SYN2: variants seen among roughly 807,000 people sequenced by gnomAD.
SYN2 encodes the protein synapsin II, also known as synapsin-2.
A neutral mutation model predicts 50.9 loss-of-function variants in SYN2; 19 were observed. That is an observed-to-expected ratio of 0.37 (90% CI 0.26 to 0.55). The LOEUF is 0.55. SYN2 is among the 20% of genes least tolerant of loss of function. The pLI is 0.81. For missense variants in SYN2, 587 were observed against 576.4 expected (o/e 1.02, Z -0.19); for synonymous variants, 255 against 224.9 (o/e 1.13, Z -1.20).
intron 1 of SYN2, among the ~76,000 whole-genome samples, chr3:12,037,514 C>G (rs769954959): frequency 6.6e-6 from 1 of 152,186 alleles, no homozygotes; most frequent in Non-Finnish European, 1.5e-5. Context: ...GGCCTCCTTG[C>G]TACATCATAA....
At chr3:12,147,277 G>A (rs1234404402) in intron 4 of SYN2, among the ~76,000 whole-genome samples, 1 of 151,970 alleles carries the variant, frequency 6.6e-6, no homozygotes, top group Non-Finnish European at 1.5e-5. Context: ...TTTTCACCCT[G>A]GAACTAACAG....
chr3:12,068,219 A>G (rs962303587), intron 1 of SYN2, among the ~76,000 whole-genome samples: 2 of 15,636 alleles, frequency 1.3e-4, no homozygotes, highest in African/African-American at 8.2e-4. Context: ...GTCTGAAAAT[A>G]TCTTTATACT....
At chr3:12,133,399 A>G (rs182644130) in intron 1 of SYN2, among the ~76,000 whole-genome samples, 2 of 152,360 alleles carry the variant, frequency 1.3e-5, no homozygotes, top group African/African-American at 4.8e-5. Flanking sequence ...AACCCCTTCA[A>G]TGTAAAGCCT....
chr3:12,067,841 A>G (rs1211904915), intron 1 of SYN2, among the ~76,000 whole-genome samples: 1 of 152,180 alleles, frequency 6.6e-6, no homozygotes, highest in Non-Finnish European at 1.5e-5. Flanking sequence ...TGATAGGACA[A>G]CTTGAGCCTA....
In SYN2 at chr3:12,190,925, G is replaced by A; in HGVS notation, c.*300G>A. 1 of 1,123,692 alleles carries A rather than the reference G, an allele frequency of 8.9e-7. No homozygotes were observed. The highest frequency in any genetic ancestry group is 1.1e-6 in the Non-Finnish European group (1 of 918,478). The allele number at this position is 1,123,692 out of a possible 1,614,324, so 69.6% of individuals were successfully genotyped here. ...TGAGTTTAGTGGCCTTATTGTGACA[G>A]TGCCATCATGTCTTATTCTTCCCTG... On this transcript the variant is annotated 3_prime_UTR_variant, in exon 13 of 13. Transcript: ENST00000621198.
At chr3:12,151,762 C>G (rs779082376) in intron 5 of SYN2, among the ~76,000 whole-genome samples, 1 of 152,150 alleles carries the variant, frequency 6.6e-6, no homozygotes, top group South Asian at 2.1e-4. Context: ...TAAGTAATAG[C>G]TTCTGGGAAA....
At chr3:12,137,040 G>A (rs1372670967) in intron 1 of SYN2, among the ~76,000 whole-genome samples, 1 of 151,994 alleles carries the variant, frequency 6.6e-6, no homozygotes, top group African/African-American at 2.4e-5. Flanking sequence ...GAGCCCAGGG[G>A]TTCAAGAACA....
Position 12,021,715 on chromosome 3 carries a change from G to T in SYN2, c.377+16787G>T, listed in dbSNP as rs560766070. 5.3e-5 allele frequency among the ~76,000 whole-genome samples: 8 copies of T among 152,256 alleles called. No individual in the cohort carries two copies. The South Asian group carries it at 1.2e-3, about 24-fold the overall frequency. On this transcript the variant is annotated intron_variant, in intron 1 of 12. Transcript: ENST00000621198. Reference sequence around the variant, plus strand: ...GGAATGGGTAGCAGCAGCTAGAATGGCTTCTTGGGTGTTCGTTCCAACTTG... The same window carrying T: ...GGAATGGGTAGCAGCAGCTAGAATGTCTTCTTGGGTGTTCGTTCCAACTTG...
intron 1 of SYN2, among the ~76,000 whole-genome samples, chr3:12,127,516 A>G: frequency 6.6e-6 from 1 of 152,202 alleles, no homozygotes. Flanking sequence ...TGCATCTGGG[A>G]ACCTGTGGCA....
chr3:12,069,129 C>T (rs556287441), intron 1 of SYN2, among the ~76,000 whole-genome samples: 8 of 152,266 alleles, frequency 5.3e-5, no homozygotes, highest in Admixed American at 2.6e-4. Context: ...ACTGACATTC[C>T]GTCATGTCTG....
chr3:12,169,150 C>T (rs1172160179), intron 9 of SYN2, among the ~76,000 whole-genome samples: 1 of 152,152 alleles, frequency 6.6e-6, no homozygotes, highest in Non-Finnish European at 1.5e-5. Flanking sequence ...CTAGGTGGGC[C>T]TCTGTTTTCT....
At chr3:12,097,954 T>C (rs1331264209) in intron 1 of SYN2, among the ~76,000 whole-genome samples, 3 of 152,032 alleles carry the variant, frequency 2.0e-5, no homozygotes, top group African/African-American at 7.3e-5. Context: ...TGTATACATA[T>C]GTAACAAACC....
chr3:12,097,882 A>G (rs1157943143), intron 1 of SYN2, among the ~76,000 whole-genome samples: 2 of 152,200 alleles, frequency 1.3e-5, no homozygotes, highest in Non-Finnish European at 2.9e-5. Flanking sequence ...GAGGGATAGC[A>G]TTAGGAGATA....
intron 1 of SYN2, among the ~76,000 whole-genome samples, chr3:12,038,672 G>A (rs1428871099): frequency 6.6e-6 from 1 of 151,910 alleles, no homozygotes; most frequent in Non-Finnish European, 1.5e-5. Flanking sequence ...TGATGCTGTT[G>A]TAAATTGAAT....
chr3:12,190,414 A>G (rs1243596847), intron 12 of SYN2, 76 bp from the exon 13 acceptor site: 4 of 1,543,338 alleles, frequency 2.6e-6, no homozygotes, highest in Non-Finnish European at 3.6e-6. Flanking sequence ...CTAGCTGTGT[A>G]TCCTCACGTC....
intron 1 of SYN2, among the ~76,000 whole-genome samples, chr3:12,101,610 A>G (rs1696077489): frequency 6.6e-6 from 1 of 152,178 alleles, no homozygotes; most frequent in South Asian, 2.1e-4. Context: ...CTCACATTTT[A>G]AAAAGGTTAA....
At chr3:12,151,025 G>C (rs182545) in intron 4 of SYN2, among the ~76,000 whole-genome samples, 97,715 of 152,116 alleles carry the variant, frequency 0.64, 33,892 homozygotes, top group South Asian at 0.78. Flanking sequence ...ATTGAGAAAG[G>C]TAATTGAATT....
intron 1 of SYN2, among the ~76,000 whole-genome samples, chr3:12,068,128 T>C (rs1163921031): frequency 6.6e-6 from 1 of 152,230 alleles, no homozygotes; most frequent in Non-Finnish European, 1.5e-5. Flanking sequence ...TTGATATATA[T>C]CTACCACTTG....
intron 7 of SYN2, chr3:12,165,488 T>C (rs1468621426): frequency 1.3e-5 from 2 of 152,206 alleles, no homozygotes; most frequent in African/African-American, 4.8e-5. Context: ...GTGTTTCACA[T>C]TGTATATGCA....
Sources: allele counts gnomAD v4.1 joint callset (sites outside exome capture counted in the v4.1 genomes callset), GRCh38; gene constraint gnomAD v4.1.1; transcripts MANE v1.5; gene names NCBI Gene and HGNC (gene_info 2026-07-23, HGNC 2026-07-21).